EBF2: variants seen among roughly 807,000 people sequenced by gnomAD.
The protein encoded by EBF2 is EBF transcription factor 2, also known as transcription factor COE2.
Under a neutral mutation model 72.8 loss-of-function variants are expected in EBF2, and 21 were observed. The ratio of observed to expected loss-of-function variants is 0.29; its 90% CI spans 0.20 to 0.42. The LOEUF is 0.42. Ranked by LOEUF, EBF2 falls within the 10% of genes least tolerant of loss-of-function variation. EBF2 has a pLI of 1.00. For missense variants in EBF2, 637 were observed against 731.2 expected (o/e 0.87, Z 1.49); for synonymous variants, 299 against 274.2 (o/e 1.09, Z -0.89).
chr8:25,964,521 A>G (rs1042976045), intron 6 of EBF2, among the ~76,000 whole-genome samples: 1 of 152,214 alleles, frequency 6.6e-6, no homozygotes, highest in African/African-American at 2.4e-5. Flanking sequence ...CGAGGGAACA[A>G]AACAGGACTG....
chr8:25,903,100 A>G (rs4242423), intron 7 of EBF2, among the ~76,000 whole-genome samples: 87,800 of 151,698 alleles, frequency 0.58, 25,807 homozygotes, highest in East Asian at 0.75. Flanking sequence ...ATATATTTAT[A>G]GGGTTCATGA....
chr8:25,844,726 A>G, intron 15 of EBF2, 86 bp from the exon 16 acceptor site: 1 of 1,517,098 alleles, frequency 6.6e-7, no homozygotes, highest in Non-Finnish European at 9.2e-7. Context: ...AGGGGATGGG[A>G]ATGATAGAGT....
At chr8:25,965,614 C>T (rs568293230) in intron 6 of EBF2, among the ~76,000 whole-genome samples, 1 of 152,328 alleles carries the variant, frequency 6.6e-6, no homozygotes, top group Admixed American at 6.5e-5. Context: ...ATGGTACCAA[C>T]TCAGACTGAC....
At chr8:25,987,873 G>T (rs1804485313) in intron 6 of EBF2, among the ~76,000 whole-genome samples, 1 of 151,968 alleles carries the variant, frequency 6.6e-6, no homozygotes, top group African/African-American at 2.4e-5. Context: ...AACCACACAG[G>T]TATATACTAC....
chr8:26,019,478 T>TATTG (rs1805171033), intron 6 of EBF2, among the ~76,000 whole-genome samples: 2 of 152,276 alleles, frequency 1.3e-5, no homozygotes, highest in South Asian at 4.1e-4. Flanking sequence ...CATAATAGAA[T>TATTG]ATTGGTTCCA....
At chr8:25,911,104 A>G (rs1803121890) in intron 6 of EBF2, among the ~76,000 whole-genome samples, 1 of 151,994 alleles carries the variant, frequency 6.6e-6, no homozygotes, top group Admixed American at 6.6e-5. Context: ...TAATCATACC[A>G]TCCATTTAGC....
At chr8:25,908,702 G>T in intron 6 of EBF2, 147 bp from the exon 7 acceptor site, 1 of 623,832 alleles carries the variant, frequency 1.6e-6, no homozygotes, top group Non-Finnish European at 2.8e-6. Flanking sequence ...GAACACTGCT[G>T]ACCCTCTGCA....
chr8:25,991,234 G>A (rs964721079), intron 6 of EBF2, among the ~76,000 whole-genome samples: 1 of 152,200 alleles, frequency 6.6e-6, no homozygotes, highest in African/African-American at 2.4e-5. Context: ...CATGGGGAGA[G>A]GGAGAGATTT....
intron 6 of EBF2, among the ~76,000 whole-genome samples, chr8:25,985,396 A>G (rs1804433130): frequency 6.6e-6 from 1 of 152,204 alleles, no homozygotes; most frequent in Non-Finnish European, 1.5e-5. Flanking sequence ...GGCAGAACCA[A>G]CGGTCTGGGG....
chr8:25,858,090 C>T (rs182370546), intron 14 of EBF2: 1,273 of 667,390 alleles, frequency 1.9e-3, no homozygotes, highest in Non-Finnish European at 2.6e-3. Context: ...TCTATAAAAA[C>T]GGAATTGTTT....
chr8:25,866,508 G>A (rs1802320500), intron 10 of EBF2, among the ~76,000 whole-genome samples: 1 of 133,838 alleles, frequency 7.5e-6, no homozygotes, highest in African/African-American at 2.8e-5. Context: ...ATAATATATA[G>A]GACATATATA....
At position 26,044,662 on chromosome 8, in the gene EBF2, G is replaced by C. The variant is rs553552154; in HGVS notation, c.131+67C>G. ...AGAAAGGCACGGGGTGCGCGGGGGG[G>C]GTGCACACGGAGAGACAGACCGTAA... is the stretch of plus-strand genomic sequence containing the variant. On this transcript the variant is annotated intron_variant, in intron 1 of 15. Coordinates refer to ENST00000520164, the MANE Select transcript of EBF2 (RefSeq NM_022659.4). The surrounding 1 kb of genome is among the most constrained non-coding windows in gnomAD (Gnocchi z 4.1). 7.7e-6 allele frequency: 12 copies of C among 1,563,728 alleles called. No homozygotes were observed. Among genetic ancestry groups the C allele is most frequent in the Non-Finnish European group, 9.6e-6 (11 of 1,148,520 alleles).
At chr8:25,862,061 T>C (rs1337310627) in intron 11 of EBF2, among the ~76,000 whole-genome samples, 1 of 152,240 alleles carries the variant, frequency 6.6e-6, no homozygotes, top group African/African-American at 2.4e-5. Flanking sequence ...CTCTGGTGCA[T>C]AAATTTTATT....
intron 6 of EBF2, among the ~76,000 whole-genome samples, chr8:25,991,198 G>C (rs1367046195): frequency 2.0e-5 from 3 of 152,212 alleles, no homozygotes; most frequent in Non-Finnish European, 4.4e-5. Flanking sequence ...TACTGGGAAA[G>C]TTTGTATTTT....
chr8:25,913,629 A>G (rs1173925028), intron 6 of EBF2, among the ~76,000 whole-genome samples: 1 of 152,180 alleles, frequency 6.6e-6, no homozygotes, highest in Non-Finnish European at 1.5e-5. Context: ...TGCTATGATA[A>G]TGGCCACATT....
intron 7 of EBF2, among the ~76,000 whole-genome samples, chr8:25,891,587 T>G (rs1802781514): frequency 1.3e-5 from 2 of 151,854 alleles, no homozygotes; most frequent in Admixed American, 1.3e-4. Context: ...CGTATTTTTT[T>G]TTTTTTTTGA....
At chr8:25,978,952 G>A (rs1804313514) in intron 6 of EBF2, among the ~76,000 whole-genome samples, 1 of 152,208 alleles carries the variant, frequency 6.6e-6, no homozygotes, top group Non-Finnish European at 1.5e-5. Context: ...AGCTTGCAGT[G>A]GCTTCAGGCT....
rs79744404 is a variant in EBF2, at chr8:26,026,987, A to G, written c.551+6098T>C. 3.7e-3 allele frequency among the ~76,000 whole-genome samples: 567 copies of G among 152,310 alleles called. 3 individuals are homozygous for G. The highest frequency in any genetic ancestry group is 0.013 in the African/African-American group (551 of 41,558). On this transcript the variant is annotated intron_variant, in intron 6 of 15. Coordinates refer to ENST00000520164, the MANE Select transcript of EBF2 (RefSeq NM_022659.4). ...AATAAGTGCCAATTAATTGTTAGAT[A>G]AATGTTATTATTGGTTTTATCTATC...
intron 6 of EBF2, among the ~76,000 whole-genome samples, chr8:25,947,820 C>G (rs75518867): frequency 8.5e-5 from 13 of 152,218 alleles, no homozygotes; most frequent in African/African-American, 3.1e-4. Context: ...TGGAAAATTA[C>G]CCAGGATTCT....
Sources: gnomAD v4.1 joint callset for allele counts (sites outside exome capture counted in the v4.1 genomes callset) on GRCh38, gnomAD v4.1.1 for gene constraint, Gnocchi (gnomAD v3.1) non-coding constraint, MANE v1.5 for transcripts, NCBI Gene and HGNC (gene_info 2026-07-23, HGNC 2026-07-21) for gene names.